The following MPPED2 variants were observed in gnomAD, a reference collection of about 807,000 sequenced individuals.
MPPED2 encodes the protein metallophosphoesterase domain containing 2.
Under a neutral mutation model 33.0 loss-of-function variants are expected in MPPED2, and 5 were observed. That is an observed-to-expected ratio of 0.15 (90% CI 0.08 to 0.32). The LOEUF is 0.32. Among genes scored for constraint, MPPED2 ranks in the 10% least tolerant of loss-of-function variants. The probability of loss-of-function intolerance (pLI) is 1.00; values close to 1 mark genes in which losing one functional copy is unlikely to be tolerated. For missense variants in MPPED2, 275 were observed against 372.1 expected (o/e 0.74, Z 2.15); for synonymous variants, 136 against 141.9 (o/e 0.96, Z 0.29).
chr11:30,387,975 T>C (rs937490208), exon 7 of MPPED2: 1 of 152,142 alleles, frequency 6.6e-6, no homozygotes, highest in African/African-American at 2.4e-5. Flanking sequence ...TGTGCCCAGC[T>C]GGAAGCCGCC....
rs1333173632 is a variant in MPPED2 at position 30,541,301 on chromosome 11, T to C, written c.129-5126A>G. ...ACAAAAAATATGATAATATTATGGCTTCCATTCTGATTCCTCTTCCGGCCA... is the reference window on the plus strand; with the variant it reads ...ACAAAAAATATGATAATATTATGGCCTCCATTCTGATTCCTCTTCCGGCCA... On this transcript the variant is annotated intron_variant, in intron 2 of 6. Coordinates refer to ENST00000358117, the MANE Select transcript of MPPED2 (RefSeq NM_001584.3). Among the ~76,000 whole-genome samples the C allele has an allele frequency of 2.0e-5, 3 of 152,204 alleles. No individual in the cohort carries two copies. In the East Asian group the frequency reaches 5.8e-4, roughly 29 times the overall value.
intron 2 of MPPED2, among the ~76,000 whole-genome samples, chr11:30,561,790 C>T (rs1024058441): frequency 6.6e-6 from 1 of 152,176 alleles, no homozygotes; most frequent in Non-Finnish European, 1.5e-5. Context: ...TTTCTCAACC[C>T]TAAAGAAGAA....
At chr11:30,440,591 GAGA>G (rs1336694940) in intron 4 of MPPED2, among the ~76,000 whole-genome samples, 5 of 152,200 alleles carry the variant, frequency 3.3e-5, no homozygotes, top group Admixed American at 2.0e-4. Flanking sequence ...ACAGAGAAAA[GAGA>G]AGCTCAATGA....
rs766075164 is a variant in MPPED2 at position 30,536,129 on chromosome 11, G to A, written c.175C>T (p.Arg59Trp). The A allele has an allele frequency of 3.7e-6, 6 of 1,612,418 alleles. No homozygotes were observed. The highest frequency in any genetic ancestry group is 2.7e-5 in the African/African-American group (2 of 74,852). Residue 59 changes from arginine to tryptophan, a missense_variant, in exon 3 of 7, where the codon CGG (arginine) becomes TGG (tryptophan). Arg to Trp is a moderately radical substitution (Grantham distance 101). Transcript: ENST00000358117. ...TGTGTGTCTGAGATGCAGACAAACC[G>A]CGTGTGGCCCGCTGGTTTTGGAGTG... The part of the protein sequence containing the change: ...YDTPKPAGHT[R>W]FVCISDTHSR...
intron 2 of MPPED2, among the ~76,000 whole-genome samples, chr11:30,566,052 A>G (rs1352249936): frequency 6.6e-6 from 1 of 152,178 alleles, no homozygotes; most frequent in Admixed American, 6.6e-5. Flanking sequence ...ACATCAGAGT[A>G]CAGAATAAAA....
At chr11:30,569,476 G>A (rs1229244857) in intron 2 of MPPED2, among the ~76,000 whole-genome samples, 1 of 152,128 alleles carries the variant, frequency 6.6e-6, no homozygotes, top group African/African-American at 2.4e-5. Context: ...GTCAAGAAAG[G>A]TTTCAATGCT....
chr11:30,456,539 C>A (rs1950284879), intron 4 of MPPED2, among the ~76,000 whole-genome samples: 1 of 151,890 alleles, frequency 6.6e-6, no homozygotes, highest in Non-Finnish European at 1.5e-5. Flanking sequence ...TCTCCCCAAT[C>A]CTGTGTGTGT....
At chr11:30,407,741 C>T (rs1007482512), downstream of MPPED2, among the ~76,000 whole-genome samples, 2 of 151,996 alleles carry the variant, frequency 1.3e-5, no homozygotes, top group Non-Finnish European at 2.9e-5. Context: ...CGCGGTGGCA[C>T]GAGCCTGCAG....
chr11:30,542,459 C>CAAA (rs59474313), intron 2 of MPPED2, among the ~76,000 whole-genome samples: 4 of 77,798 alleles, frequency 5.1e-5, no homozygotes, highest in South Asian at 5.3e-4. Context: ...ACCAAAAGTA[C>CAAA]AAAAAAAAAA....
At chr11:30,567,120 G>A (rs1956479173) in intron 2 of MPPED2, among the ~76,000 whole-genome samples, 1 of 152,126 alleles carries the variant, frequency 6.6e-6, no homozygotes. Flanking sequence ...TTCCTTCAAT[G>A]TCAGCAGTAA....
chr11:30,480,368 G>A lies in MPPED2; in HGVS notation c.536+14928C>T, dbSNP rs1049899186. ...TCTTTTTTTTAAATATTAATGACAG[G>A]ACTGCAGTGTGCTTACCTTCCAATT... On this transcript the variant is annotated intron_variant, in intron 4 of 6. Coordinates refer to ENST00000358117, the MANE Select transcript of MPPED2 (RefSeq NM_001584.3). 3.3e-5 allele frequency among the ~76,000 whole-genome samples: 5 copies of A among 151,772 alleles called. No individual in the cohort carries two copies. The East Asian group carries it at 9.7e-4, about 29-fold the overall frequency.
At chr11:30,549,115 A>T (rs1343804319) in intron 2 of MPPED2, among the ~76,000 whole-genome samples, 1 of 152,228 alleles carries the variant, frequency 6.6e-6, no homozygotes, top group African/African-American at 2.4e-5. Context: ...TTTATACAAC[A>T]TACTTTAACA....
chr11:30,441,832 G>A (rs77999706), intron 4 of MPPED2, among the ~76,000 whole-genome samples: 4,247 of 152,220 alleles, frequency 0.028, 96 homozygotes, highest in Admixed American at 0.063. Context: ...CCCCAGGCTA[G>A]GTTAGGCTGC....
chr11:30,415,914 C>G (rs1250994728), intron 5 of MPPED2, among the ~76,000 whole-genome samples: 1 of 152,128 alleles, frequency 6.6e-6, no homozygotes, highest in African/African-American at 2.4e-5. Flanking sequence ...AAATAAATAG[C>G]CAAAGGGAAA....
chr11:30,477,162 C>T (rs1951246113), intron 4 of MPPED2, among the ~76,000 whole-genome samples: 1 of 152,032 alleles, frequency 6.6e-6, no homozygotes, highest in Non-Finnish European at 1.5e-5. Flanking sequence ...CTGTCATCTG[C>T]AGAAATGGAC....
intron 2 of MPPED2, among the ~76,000 whole-genome samples, chr11:30,547,680 C>T (rs1455291316): frequency 3.3e-5 from 5 of 152,128 alleles, no homozygotes; most frequent in Admixed American, 3.3e-4. Flanking sequence ...ATCGACTTCC[C>T]CTCCACTTTT....
chr11:30,414,719 T>C (rs1203360517), intron 5 of MPPED2, among the ~76,000 whole-genome samples: 3 of 152,206 alleles, frequency 2.0e-5, no homozygotes, highest in African/African-American at 7.2e-5. Context: ...ATCTTTCTTA[T>C]AGCAGTTTAC....
intron 3 of MPPED2, among the ~76,000 whole-genome samples, chr11:30,517,777 G>A (rs547594704): frequency 6.6e-6 from 1 of 152,130 alleles, no homozygotes; most frequent in Non-Finnish European, 1.5e-5. Context: ...GCCATGCCAA[G>A]CTTCTTGATC....
intron 4 of MPPED2, among the ~76,000 whole-genome samples, chr11:30,441,560 T>C (rs1438504718): frequency 1.3e-5 from 2 of 152,226 alleles, no homozygotes; most frequent in South Asian, 4.1e-4. Flanking sequence ...GACTTAATTA[T>C]GGATCCAAAA....
Sources: gnomAD v4.1 joint callset for allele counts (sites outside exome capture counted in the v4.1 genomes callset) on GRCh38, gnomAD v4.1.1 for gene constraint, MANE v1.5 for transcripts, NCBI Gene and HGNC (gene_info 2026-07-23, HGNC 2026-07-21) for gene names.